Variants in ALMS1 observed in about 807,000 individuals in gnomAD.
ALMS1 encodes ALMS1 centrosome and basal body associated protein.
A neutral mutation model predicts 352.2 loss-of-function variants in ALMS1; 271 were observed. That is an observed-to-expected ratio of 0.77 (90% confidence interval 0.70 to 0.85). ALMS1 has a LOEUF of 0.85. ALMS1 is among the 40% of genes least tolerant of loss of function. ALMS1 has a pLI of 0.00. For synonymous variants in ALMS1, 1,865 were observed against 1,761.2 expected (o/e 1.06, Z -1.48); for missense variants, 5,445 against 4,870.7 (o/e 1.12, Z -3.51).
intron 9 of ALMS1, among the ~76,000 whole-genome samples, chr2:73,463,388 G>A (rs571995512): frequency 1.3e-5 from 2 of 151,240 alleles, no homozygotes; most frequent in Admixed American, 6.6e-5. Flanking sequence ...AAATAAAGAT[G>A]TTCTTTGAAA....
At chr2:73,470,382 G>T (rs1212625185) in intron 9 of ALMS1, 1 of 151,438 alleles carries the variant, frequency 6.6e-6, no homozygotes, top group Non-Finnish European at 1.5e-5. Flanking sequence ...TTCATTTGTT[G>T]TGTTTTTGTC....
Position 73,386,047 on chromosome 2 carries a change from A to G in ALMS1, c.179A>G (p.Tyr60Cys). 3 of 1,578,082 alleles carry G rather than the reference A, an allele frequency of 1.9e-6. No homozygotes were observed. Among genetic ancestry groups the G allele is most frequent in the Non-Finnish European group, 1.7e-6 (2 of 1,162,478 alleles). ...CGGGAGTTGGACTCCGACTCTCACT[A>G]CGGGCCCCAGCATCTGGAAAGTATA... is the stretch of plus-strand genomic sequence containing the variant. ...AGRELDSDSHYGPQHLESIDD... is the reference protein window; with the variant it reads ...AGRELDSDSHCGPQHLESIDD... The change falls in exon 1 of 23, where the codon TAC becomes TGC. Residue 60 changes from tyrosine (Y) to cysteine (C), a missense_variant. Transcript: ENST00000613296.
chr2:73,391,458 T>C (rs1670644230), intron 1 of ALMS1, among the ~76,000 whole-genome samples: 1 of 151,724 alleles, frequency 6.6e-6, no homozygotes. Context: ...CACGCCCGGC[T>C]ATTATTTTGT....
intron 16 of ALMS1, among the ~76,000 whole-genome samples, chr2:73,578,491 C>CGTGT (rs1675100170): frequency 6.6e-6 from 1 of 151,736 alleles, no homozygotes; most frequent in Non-Finnish European, 1.5e-5. Flanking sequence ...TGTAGTGTAC[C>CGTGT]AGTTTTATTC....
At chr2:73,461,215 G>A (rs1181708146) in intron 9 of ALMS1, among the ~76,000 whole-genome samples, 2 of 152,330 alleles carry the variant, frequency 1.3e-5, no homozygotes, top group East Asian at 3.9e-4. Context: ...CACCTCACAC[G>A]ACCGGGTACT....
intron 10 of ALMS1, 130 bp from the exon 11 acceptor site, chr2:73,519,645 T>A: frequency 1.7e-6 from 2 of 1,184,348 alleles, no homozygotes; most frequent in Non-Finnish European, 2.4e-6. Context: ...TTAATAACGT[T>A]TGACATTGAT....
At chr2:73,564,386 A>T (rs555605096) in intron 15 of ALMS1, among the ~76,000 whole-genome samples, 87 of 151,582 alleles carry the variant, frequency 5.7e-4, no homozygotes, top group Middle Eastern at 3.4e-3. Context: ...GAATCACTTG[A>T]ACCTGGGAGG....
At chr2:73,523,602 A>G (rs1057121535) in intron 11 of ALMS1, among the ~76,000 whole-genome samples, 1 of 152,184 alleles carries the variant, frequency 6.6e-6, no homozygotes, top group Non-Finnish European at 1.5e-5. Context: ...CCTCATCTGT[A>G]CTAAAAATAC....
intron 1 of ALMS1, among the ~76,000 whole-genome samples, chr2:73,390,932 A>C (rs1444699791): frequency 6.6e-6 from 1 of 151,562 alleles, no homozygotes; most frequent in Non-Finnish European, 1.5e-5. Context: ...CACCATGCCC[A>C]GCTAATTTTT....
intron 1 of ALMS1, among the ~76,000 whole-genome samples, chr2:73,393,993 G>C (rs903873217): frequency 6.6e-5 from 10 of 151,560 alleles, no homozygotes; most frequent in Non-Finnish European, 1.2e-4. Context: ...GCTAATTTTT[G>C]TAGGTTTTGT....
Position 73,574,007 on chromosome 2 carries a change from G to T in ALMS1, c.11547+583G>T, listed in dbSNP as rs72913432. 2.4e-3 allele frequency among the ~76,000 whole-genome samples: 373 copies of T among 152,250 alleles called. 2 individuals carry two copies. The highest frequency in any genetic ancestry group is 8.7e-3 in the African/African-American group (360 of 41,550). The stretch of plus-strand genomic sequence containing the variant: ...AAGATAAATAAGCCTTGTGGATGTG[G>T]TCGCTAGAAAAGAGCTACAAATTTG... On this transcript the variant is annotated intron_variant, in intron 16 of 22. Coordinates refer to ENST00000613296, the MANE Select transcript of ALMS1 (RefSeq NM_001378454.1).
Position 73,519,983 on chromosome 2 carries a change from G to T in ALMS1, c.9748G>T (p.Val3250Phe), listed in dbSNP as rs1558679249. 3.1e-6 allele frequency: 5 copies of T among 1,614,084 alleles called. No homozygotes were observed. In the African/African-American group the frequency reaches 6.7e-5, roughly 22 times the overall value. The change falls in exon 11 of 23, where the codon GTC (valine) becomes TTC (phenylalanine). Residue 3250 changes from valine to phenylalanine, a missense_variant. Coordinates refer to ENST00000613296, the MANE Select transcript of ALMS1 (RefSeq NM_001378454.1). ...APVKFASSSSVQQVTFSRGTD... is the reference protein window; with the variant it reads ...APVKFASSSSFQQVTFSRGTD... The stretch of plus-strand genomic sequence containing the variant: ...TGTCAAGTTTGCCTCATCATCTTCA[G>T]TCCAACAGGTTACTTTTTCTCGCGG...
At chr2:73,390,240 GAA>G (rs1005809343) in intron 1 of ALMS1, among the ~76,000 whole-genome samples, 2 of 152,108 alleles carry the variant, frequency 1.3e-5, no homozygotes, top group African/African-American at 4.8e-5. Context: ...GCATAGGTTG[GAA>G]AGTGTTTAAG....
At chr2:73,431,871 C>G (rs1671506843) in intron 6 of ALMS1, among the ~76,000 whole-genome samples, 1 of 152,144 alleles carries the variant, frequency 6.6e-6, no homozygotes, top group Admixed American at 6.5e-5. Context: ...TCATAAGGAG[C>G]AAACTTCTGA....
At chr2:73,503,595 A>G (rs988336476) in intron 10 of ALMS1, among the ~76,000 whole-genome samples, 1 of 152,078 alleles carries the variant, frequency 6.6e-6, no homozygotes, top group East Asian at 1.9e-4. Flanking sequence ...ATGATTTATA[A>G]TCCTTTGGGT....
At chr2:73,468,422 G>A (rs1672401904) in intron 9 of ALMS1, among the ~76,000 whole-genome samples, 1 of 151,890 alleles carries the variant, frequency 6.6e-6, no homozygotes, top group South Asian at 2.1e-4. Context: ...CTGTTTTTAA[G>A]TGTACAGTTT....
rs61741524 is a variant in ALMS1 at position 73,600,830 on chromosome 2, G to T, written c.11821G>T (p.Gly3941Cys). The T allele has an allele frequency of 6.2e-7, 1 of 1,614,184 alleles. No individual in the cohort carries two copies. The highest frequency in any genetic ancestry group is 8.5e-7 in the Non-Finnish European group (1 of 1,180,022). Reference protein sequence around the residue: ...EKREEKMLFTGYPEDRKLKKN... With the variant: ...EKREEKMLFTCYPEDRKLKKN... ...ACGTGAAGAGAAAATGCTCTTTACC[G>T]GTTATCCTGAGGACAGAAAGTTAAA... The change falls in exon 18 of 23, where the codon GGT (glycine) becomes TGT (cysteine). Residue 3941 changes from glycine to cysteine, a missense_variant. Physicochemically the swap from Gly to Cys is radical, Grantham distance 159. Transcript: ENST00000613296.
intron 10 of ALMS1, among the ~76,000 whole-genome samples, chr2:73,516,356 A>G (rs559900051): frequency 5.9e-5 from 9 of 152,274 alleles, no homozygotes; most frequent in Non-Finnish European, 7.4e-5. Flanking sequence ...TGGGAACATA[A>G]CATAGTTCAG....
At position 73,600,782 on chromosome 2, in the gene ALMS1, G is replaced by C; in HGVS notation, c.11773G>C (p.Val3925Leu). 6.2e-7 allele frequency: 1 copy of C among 1,614,192 alleles called. No homozygotes were observed. The highest frequency in any genetic ancestry group is 2.2e-5 in the East Asian group (1 of 44,886). Residue 3925 changes from valine to leucine, a missense_variant, in exon 18 of 23, where the codon GTG becomes CTG. Val to Leu is a conservative substitution (Grantham distance 32). Transcript: ENST00000613296. ...GGCTAAATTGGAAGAGAACAGTGAT[G>C]TGACTTCTTGGTCAGAAGAAAAACG... Reference protein sequence around the residue: ...SEAKLEENSDVTSWSEEKREE... With the variant: ...SEAKLEENSDLTSWSEEKREE...
Sources: gnomAD v4.1 joint callset for allele counts (sites outside exome capture counted in the v4.1 genomes callset) on GRCh38, gnomAD v4.1.1 for gene constraint, MANE v1.5 for transcripts, NCBI Gene and HGNC (gene_info 2026-07-23, HGNC 2026-07-21) for gene names.